The following LARS1 variants were observed in gnomAD, a reference collection of about 807,000 sequenced individuals.
LARS1 encodes leucine--tRNA ligase, cytoplasmic.
A neutral mutation model predicts 162.8 loss-of-function variants in LARS1; 100 were observed. The ratio of observed to expected loss-of-function variants is 0.61; its 90% confidence interval spans 0.52 to 0.73. The LOEUF (loss-of-function observed/expected upper bound fraction) is 0.73, where lower values mean the gene tolerates loss of function less well. Among genes scored for constraint, LARS1 ranks in the 30% least tolerant of loss-of-function variants. The pLI is 0.00. For synonymous variants in LARS1, 457 were observed against 462.8 expected (o/e 0.99, Z 0.16); for missense variants, 1,258 against 1,408.9 (o/e 0.89, Z 1.71).
At chr5:146,143,759 G>C (rs1752890717) in intron 18 of LARS1, among the ~76,000 whole-genome samples, 1 of 152,090 alleles carries the variant, frequency 6.6e-6, no homozygotes, top group Non-Finnish European at 1.5e-5. Flanking sequence ...AGCACTTTGG[G>C]AGGCCAAGGC....
intron 23 of LARS1, chr5:146,132,179 G>A (rs1752314356): frequency 2.0e-5 from 3 of 152,184 alleles, no homozygotes; most frequent in Middle Eastern, 3.2e-3. Flanking sequence ...CGTGGTGGCA[G>A]GCACCTGTAA....
At chr5:146,145,360 C>G (rs968259463) in intron 15 of LARS1, among the ~76,000 whole-genome samples, 1 of 151,966 alleles carries the variant, frequency 6.6e-6, no homozygotes, top group African/African-American at 2.4e-5. Flanking sequence ...GGATTACAGC[C>G]TTGAGCCACT....
At chr5:146,135,477 T>A (rs1323279740) in intron 22 of LARS1, 124 bp downstream of exon 22, 2 of 665,822 alleles carry the variant, frequency 3.0e-6, no homozygotes, top group Admixed American at 6.8e-5. Context: ...AAAGGAAACA[T>A]TAAGATTTTA....
Position 146,131,074 on chromosome 5 carries a change from T to C in LARS1, c.2432A>G (p.Asn811Ser). Reference sequence around the variant, plus strand: ...TTCTTTAAACATCATCTTTTCATAGTTTTGATCTGTTTTTATAATTCCTGC... The same window carrying C: ...TTCTTTAAACATCATCTTTTCATAGCTTTGATCTGTTTTTATAATTCCTGC... Reference protein sequence around the residue: ...LNAGIIKTDQNYEKMMFKEAL... With the variant: ...LNAGIIKTDQSYEKMMFKEAL... Residue 811 changes from asparagine (N) to serine (S), a missense_variant, in exon 24 of 32, where the codon AAC becomes AGC. Physicochemically the swap from Asn to Ser is conservative, Grantham distance 46 (BLOSUM62 1). Coordinates refer to ENST00000394434, the MANE Select transcript of LARS1 (RefSeq NM_020117.11). 6.3e-7 allele frequency: 1 copy of C among 1,593,014 alleles called. No homozygotes were observed. The highest frequency in any genetic ancestry group is 1.3e-5 in the African/African-American group (1 of 74,210).
intron 2 of LARS1, among the ~76,000 whole-genome samples, chr5:146,173,749 C>G (rs1328445836): frequency 6.6e-6 from 1 of 152,022 alleles, no homozygotes; most frequent in Non-Finnish European, 1.5e-5. Context: ...CTGAAACTAC[C>G]TGTTTCCTCT....
intron 6 of LARS1, among the ~76,000 whole-genome samples, chr5:146,163,330 G>A (rs1753861442): frequency 6.6e-6 from 1 of 152,076 alleles, no homozygotes; most frequent in Non-Finnish European, 1.5e-5. Flanking sequence ...TCTGCAATAA[G>A]GTCACTTCAT....
chr5:146,114,108 A>G lies in LARS1; in HGVS notation c.3529T>C (p.Ter1177GlnextTer12), dbSNP rs773414369. 5 of 1,609,640 alleles carry G rather than the reference A, an allele frequency of 3.1e-6. No individual in the cohort carries two copies. Among genetic ancestry groups the G allele is most frequent in the Non-Finnish European group, 4.2e-6 (5 of 1,176,638 alleles). Residue 1177 changes from the stop codon to glutamine, a stop_lost, in exon 32 of 32, where the codon TAA becomes CAA. Coordinates refer to ENST00000394434, the MANE Select transcript of LARS1 (RefSeq NM_020117.11). The stretch of plus-strand genomic sequence containing the variant: ...ATAAATCTCCAATGTGCATGAGTTT[A>G]ATGAACCAGATAGATTATTGTATCG... ...IGDTIIYLVH[*>Q]
intron 12 of LARS1, 126 bp from the exon 13 acceptor site, chr5:146,153,353 G>A: frequency 4.3e-6 from 3 of 705,780 alleles, no homozygotes; most frequent in Non-Finnish European, 7.1e-6. Flanking sequence ...TCTCCATAGA[G>A]AGCAATTTTC....
intron 5 of LARS1, among the ~76,000 whole-genome samples, chr5:146,165,253 G>A (rs1398109554): frequency 1.3e-5 from 2 of 152,140 alleles, no homozygotes; most frequent in Non-Finnish European, 2.9e-5. Flanking sequence ...AGAATCACTT[G>A]AACCGGGAGG....
At chr5:146,177,029 C>T (rs1754612047) in intron 2 of LARS1, among the ~76,000 whole-genome samples, 2 of 152,022 alleles carry the variant, frequency 1.3e-5, no homozygotes, top group South Asian at 4.1e-4. Flanking sequence ...AAAATCTTTA[C>T]AAACCCCATA....
In LARS1 at chr5:146,128,855, A is replaced by G. The variant is rs976486738; in HGVS notation, c.2770-73T>C. 2.8e-6 allele frequency: 4 copies of G among 1,427,662 alleles called. No individual in the cohort carries two copies. In the East Asian group the frequency reaches 6.9e-5, roughly 25 times the overall value. 88.4% of individuals were successfully genotyped at this position (1,427,662 alleles called of 1,614,324 possible). On this transcript the variant is annotated intron_variant, in intron 26 of 31. Coordinates refer to ENST00000394434, the MANE Select transcript of LARS1 (RefSeq NM_020117.11). Reference sequence around the variant, plus strand: ...CAAAAATGAGAAGAACCCTCCCCCAACATACACCACCACGGTCTTCACCAT... The same window carrying G: ...CAAAAATGAGAAGAACCCTCCCCCAGCATACACCACCACGGTCTTCACCAT...
At chr5:146,138,977 T>A in intron 21 of LARS1, 1 of 372,116 alleles carries the variant, frequency 2.7e-6, no homozygotes. Flanking sequence ...GGACACAGAA[T>A]CGGAGTGATG....
intron 22 of LARS1, among the ~76,000 whole-genome samples, chr5:146,134,864 G>A (rs532021345): frequency 1.3e-5 from 2 of 152,260 alleles, no homozygotes; most frequent in South Asian, 4.2e-4. Flanking sequence ...CACAAGAATC[G>A]CTTGAACCCT....
intron 10 of LARS1, among the ~76,000 whole-genome samples, chr5:146,156,174 T>C (rs1057208008): frequency 1.3e-5 from 2 of 152,230 alleles, no homozygotes; most frequent in Non-Finnish European, 2.9e-5. Context: ...GACACAGATA[T>C]TACTAACTAC....
At chr5:146,130,628 A>G (rs1752236998) in intron 24 of LARS1, 1 of 173,490 alleles carries the variant, frequency 5.8e-6, no homozygotes, top group Admixed American at 6.3e-5. Context: ...TTTAAATGCC[A>G]AACTTGAGGA....
intron 4 of LARS1, 147 bp from the exon 5 acceptor site, chr5:146,168,412 C>T (rs78076209): frequency 3.1e-4 from 240 of 782,754 alleles, no homozygotes; most frequent in African/African-American, 3.0e-3. Flanking sequence ...AAAACTGAAA[C>T]GGAGGCTGGG....
chr5:146,176,349 G>A (rs1448919335), intron 2 of LARS1, among the ~76,000 whole-genome samples: 1 of 151,462 alleles, frequency 6.6e-6, no homozygotes, highest in Admixed American at 6.6e-5. Context: ...CTACTAAGGA[G>A]GCTGAGGCAG....
At chr5:146,175,753 G>A (rs866290156) in intron 2 of LARS1, among the ~76,000 whole-genome samples, 1 of 151,590 alleles carries the variant, frequency 6.6e-6, no homozygotes, top group Non-Finnish European at 1.5e-5. Context: ...GCGTGAACCC[G>A]GCAGGCGGAG....
At chr5:146,152,168 T>G (rs1376393251) in intron 13 of LARS1, among the ~76,000 whole-genome samples, 166 bp from the exon 14 acceptor site, 2 of 152,152 alleles carry the variant, frequency 1.3e-5, no homozygotes, top group African/African-American at 2.4e-5. Context: ...CTTCCAGATG[T>G]AAATTTGTCC....
Sources: gnomAD v4.1 joint callset for allele counts (sites outside exome capture counted in the v4.1 genomes callset) on GRCh38, gnomAD v4.1.1 for gene constraint, MANE v1.5 for transcripts, NCBI Gene and HGNC (gene_info 2026-07-23, HGNC 2026-07-21) for gene names.